ZNF391: variants seen among roughly 807,000 people sequenced by gnomAD.
ZNF391 encodes the protein zinc finger protein 391.
For synonymous variants in ZNF391, 126 were observed against 142.1 expected, an observed-to-expected ratio of 0.89 and a Z score of 0.80; for missense variants, 375 against 425.5, an observed-to-expected ratio of 0.88 and a Z score of 1.04.
intron 1 of ZNF391, among the ~76,000 whole-genome samples, chr6:27,390,347 C>T (rs957621057): frequency 6.6e-6 from 1 of 152,132 alleles, no homozygotes; most frequent in Non-Finnish European, 1.5e-5. Flanking sequence ...ACCAGGTTGG[C>T]TAGGGCTGCA....
At chr6:27,375,759 C>A (rs1004099813) in intron 1 of ZNF391, among the ~76,000 whole-genome samples, 9 of 152,200 alleles carry the variant, frequency 5.9e-5, no homozygotes, top group African/African-American at 2.2e-4. Context: ...TATAAAGTGT[C>A]ATAATTGTTA....
In ZNF391 at chr6:27,401,426, G is replaced by A. The variant is rs764266021; in HGVS notation, c.1056G>A (p.Gln352=). ...AGAGTTCAACTCTGATCAGACATCA[G>A]CACCTTCATACTAAAGAGTAATATC... is the stretch of plus-strand genomic sequence containing the variant. ...FCQSSTLIRH[Q]HLHTKE Residue 352 remains glutamine (Q), a synonymous_variant, in exon 3 of 3, where the codon CAG becomes CAA. Coordinates refer to ENST00000244576, the MANE Select transcript of ZNF391 (RefSeq NM_001076781.3). 2.2e-5 allele frequency: 36 copies of A among 1,608,602 alleles called. No homozygotes were observed. The highest frequency in any genetic ancestry group is 2.6e-5 in the Non-Finnish European group (31 of 1,179,192).
chr6:27,399,385 A>G (rs1445596320), intron 1 of ZNF391, 57 bp from the exon 2 acceptor site: 1 of 152,232 alleles, frequency 6.6e-6, no homozygotes, highest in African/African-American at 2.4e-5. Flanking sequence ...TTGAGCTCTG[A>G]ATAGCTCTGT....
In ZNF391 at chr6:27,401,090, A is replaced by C. The variant is rs1761950239; in HGVS notation, c.720A>C (p.Gln240His). ...FGDRSTIIQH[Q>H]RIHTGENPYE... ...ACCGTTCAACCATAATTCAGCATCA[A>C]CGAATACACACTGGAGAGAATCCCT... Residue 240 changes from glutamine (Q) to histidine (H), a missense_variant, in exon 3 of 3, where the codon CAA becomes CAC. Transcript: ENST00000244576. 6.2e-7 allele frequency: 1 copy of C among 1,614,220 alleles called. No individual in the cohort carries two copies. Among genetic ancestry groups the C allele is most frequent in the Non-Finnish European group, 8.5e-7 (1 of 1,180,036 alleles).
chr6:27,391,919 A>G (rs1761722960), intron 1 of ZNF391, among the ~76,000 whole-genome samples: 1 of 152,138 alleles, frequency 6.6e-6, no homozygotes, highest in Non-Finnish European at 1.5e-5. Flanking sequence ...TTGAGATCTT[A>G]CATGTCTCCG....
chr6:27,391,863 T>C (rs1761721497), intron 1 of ZNF391, among the ~76,000 whole-genome samples: 1 of 151,884 alleles, frequency 6.6e-6, no homozygotes, highest in Admixed American at 6.6e-5. Flanking sequence ...GAACACAGGC[T>C]TTTTTTTGGC....
intron 1 of ZNF391, among the ~76,000 whole-genome samples, chr6:27,379,723 G>A (rs1210701048): frequency 6.6e-6 from 1 of 152,186 alleles, no homozygotes; most frequent in Non-Finnish European, 1.5e-5. Context: ...GAACCATTTT[G>A]AAATATGCCA....
intron 2 of ZNF391, among the ~76,000 whole-genome samples, chr6:27,399,839 A>G (rs1761910052): frequency 6.6e-6 from 1 of 152,200 alleles, no homozygotes; most frequent in Non-Finnish European, 1.5e-5. Context: ...TTCTCTTTCA[A>G]TCCCAGGAAA....
upstream of ZNF391, among the ~76,000 whole-genome samples, chr6:27,386,260 G>C (rs1198756559): frequency 6.6e-6 from 1 of 152,084 alleles, no homozygotes. Context: ...AGAAATTAAA[G>C]AAGACCTAAA....
Position 27,396,940 on chromosome 6 carries a change from A to G in ZNF391, c.-187-2502A>G, listed in dbSNP as rs149226059. On this transcript the variant is annotated intron_variant, in intron 1 of 2. Coordinates refer to ENST00000244576, the MANE Select transcript of ZNF391 (RefSeq NM_001076781.3). ...GCCCCCATTAAATTCTAATAGTACT[A>G]TCCAATCATTGTGACAACCCAAAAT... Among the ~76,000 whole-genome samples, 548 of 152,280 alleles carry G rather than the reference A, an allele frequency of 3.6e-3. 4 individuals carry two copies. The highest frequency in any genetic ancestry group is 0.012 in the African/African-American group (518 of 41,566).
rs978979137 is a variant in ZNF391 at position 27,379,400 on chromosome 6, T to C, written n.523+4263T>C. On this transcript the variant is annotated intron_variant and non_coding_transcript_variant, in intron 1 of 2. Transcript: ENST00000477999. ...ATATAAAGGGAAGAGCACAGTATTT[T>C]TTGTGATGGGAAAGCAGAATAAATC... Among the ~76,000 whole-genome samples, 4 of 152,204 alleles carry C rather than the reference T, an allele frequency of 2.6e-5. No homozygotes were observed. In the South Asian group the frequency reaches 8.3e-4, roughly 32 times the overall value.
intron 1 of ZNF391, among the ~76,000 whole-genome samples, chr6:27,391,383 T>G (rs1412510981): frequency 6.6e-6 from 1 of 152,016 alleles, no homozygotes; most frequent in African/African-American, 2.4e-5. Context: ...TTTTTTTGTA[T>G]TTTTAGTTGA....
intron 1 of ZNF391, among the ~76,000 whole-genome samples, chr6:27,378,672 CAG>C (rs1761452968): frequency 1.3e-5 from 2 of 152,210 alleles, no homozygotes; most frequent in Non-Finnish European, 2.9e-5. Context: ...GTGCAGGTCA[CAG>C]GGGATGCGAT....
intron 2 of ZNF391, 99 bp downstream of exon 2, chr6:27,399,649 A>G (rs1160533641): frequency 2.6e-5 from 4 of 152,142 alleles, no homozygotes; most frequent in African/African-American, 4.8e-5. Context: ...AAGTGACTCA[A>G]TCTGTTTTCT....
rs527895749 is a variant in ZNF391 at position 27,399,003 on chromosome 6, C to T, written c.-187-439C>T. Among the ~76,000 whole-genome samples, 15 of 152,222 alleles carry T rather than the reference C, an allele frequency of 9.9e-5. No homozygotes were observed. The South Asian group carries it at 1.2e-3, about 13-fold the overall frequency. On this transcript the variant is annotated intron_variant, in intron 1 of 2. Transcript: ENST00000244576. ...GAAAGCTGAGTTTCTGTTTTATACC[C>T]GCCTGCTGTGAGAAGAATGTTAGGG...
chr6:27,388,916 G>C lies in ZNF391; in HGVS notation c.-347G>C, dbSNP rs1310086697. 2.2e-6 allele frequency: 1 copy of C among 456,318 alleles called. No individual in the cohort carries two copies. Among genetic ancestry groups the C allele is most frequent in the Non-Finnish European group, 4.4e-6 (1 of 226,888 alleles). 28.3% of individuals were successfully genotyped at this position (456,318 alleles called of 1,614,324 possible). ...ATCTTAGGGAACCTGATGGGCGTTGGAGCAGCGGTTCGACGCATGGGTTTC... is the reference window on the plus strand; with the variant it reads ...ATCTTAGGGAACCTGATGGGCGTTGCAGCAGCGGTTCGACGCATGGGTTTC... On this transcript the variant is annotated 5_prime_UTR_variant, in exon 1 of 3. Coordinates refer to ENST00000244576, the MANE Select transcript of ZNF391 (RefSeq NM_001076781.3).
At position 27,380,582 on chromosome 6, in the gene ZNF391, C is replaced by G. The variant is rs980041910; in HGVS notation, n.523+5445C>G. On this transcript the variant is annotated intron_variant and non_coding_transcript_variant, in intron 1 of 2. Transcript: ENST00000477999. The stretch of plus-strand genomic sequence containing the variant: ...AAGGGGTTGCCACTGCTGGCTCGGG[C>G]AGCCTGCTTTTATTCTGTTATCTGG... Among the ~76,000 whole-genome samples the G allele has an allele frequency of 3.9e-5, 6 of 152,296 alleles. No homozygotes were observed. The East Asian group carries it at 1.2e-3, about 29-fold the overall frequency.
intron 1 of ZNF391, among the ~76,000 whole-genome samples, chr6:27,392,191 C>T (rs55736851): frequency 0.05 from 7,578 of 152,254 alleles, 481 homozygotes; most frequent in African/African-American, 0.15. Context: ...GGGCCTCTAT[C>T]TGATGTTTCC....
intron 1 of ZNF391, among the ~76,000 whole-genome samples, chr6:27,396,461 A>G (rs900134038): frequency 2.6e-5 from 4 of 152,206 alleles, no homozygotes; most frequent in Admixed American, 1.3e-4. Flanking sequence ...GTGGTGGCTC[A>G]TGCCTGTAAT....
Sources: allele counts gnomAD v4.1 joint callset (sites outside exome capture counted in the v4.1 genomes callset), GRCh38; gene constraint gnomAD v4.1.1; transcripts MANE v1.5; gene names NCBI Gene and HGNC (gene_info 2026-07-23, HGNC 2026-07-21).